ELAVL4: variants seen among roughly 807,000 people sequenced by gnomAD.
ELAVL4 encodes ELAV-like protein 4.
A neutral mutation model predicts 35.6 loss-of-function variants in ELAVL4; 1 was observed. That is an observed-to-expected ratio of 0.03 (90% CI 0.01 to 0.13). The LOEUF (loss-of-function observed/expected upper bound fraction) is 0.13. Among genes scored for constraint, ELAVL4 ranks in the 10% least tolerant of loss-of-function variants. The pLI, the probability that ELAVL4 is intolerant of heterozygous loss-of-function variation, is 1.00. For synonymous variants in ELAVL4, 156 were observed against 171.0 expected (o/e 0.91, Z 0.69); for missense variants, 267 against 464.9 (o/e 0.57, Z 3.91).
upstream of ELAVL4, among the ~76,000 whole-genome samples, chr1:50,099,287 G>A (rs1432128889): frequency 6.6e-6 from 1 of 152,146 alleles, no homozygotes; most frequent in Non-Finnish European, 1.5e-5. Context: ...CTGGCTGGGT[G>A]CGGTGGCTCA....
chr1:50,171,139 G>A (rs1678930989), intron 2 of ELAVL4, among the ~76,000 whole-genome samples: 1 of 152,142 alleles, frequency 6.6e-6, no homozygotes, highest in African/African-American at 2.4e-5. Context: ...GGGCTTGCAG[G>A]AAATAAGCCA....
chr1:50,145,323 CA>C, intron 2 of ELAVL4, 126 bp downstream of exon 2: 1 of 1,383,964 alleles, frequency 7.2e-7, no homozygotes, highest in Non-Finnish European at 9.9e-7. Context: ...CATGGATACA[CA>C]GTCATAAACT....
chr1:50,133,643 G>GAAAGAAAGAA (rs1553174587), intron 1 of ELAVL4, among the ~76,000 whole-genome samples: 18 of 148,408 alleles, frequency 1.2e-4, no homozygotes, highest in African/African-American at 4.3e-4. Flanking sequence ...AAGAAAGAAA[G>GAAAGAAAGAA]AAAGAAAGAG....
intron 2 of ELAVL4, among the ~76,000 whole-genome samples, chr1:50,173,991 G>T (rs910244048): frequency 2.0e-5 from 3 of 152,080 alleles, no homozygotes; most frequent in African/African-American, 7.2e-5. Context: ...TTGTGAATGC[G>T]TTTCATCTAT....
At chr1:50,088,662 G>A (rs1665354396) in intron 1 of ELAVL4, among the ~76,000 whole-genome samples, 1 of 152,178 alleles carries the variant, frequency 6.6e-6, no homozygotes, top group South Asian at 2.1e-4. Flanking sequence ...CCAACTGCTG[G>A]CCTGAAGGTC....
chr1:50,106,682 A>T (rs1666343360), upstream of ELAVL4, among the ~76,000 whole-genome samples: 1 of 152,160 alleles, frequency 6.6e-6, no homozygotes, highest in East Asian at 1.9e-4. Context: ...CAACAATAGG[A>T]TTCTGCCTTT....
rs146805655 is a variant in ELAVL4, at chr1:50,057,688, A to G, written c.18+9506A>G. Reference sequence around the variant, plus strand: ...TAGCGTGTGAACAGTAGGCTATCCCATATAACCTAGGTGTGCGGTAGTCTA... The same window carrying G: ...TAGCGTGTGAACAGTAGGCTATCCCGTATAACCTAGGTGTGCGGTAGTCTA... On this transcript the variant is annotated intron_variant, in intron 1 of 6. Transcript: ENST00000448907. 9.2e-5 allele frequency among the ~76,000 whole-genome samples: 14 copies of G among 152,326 alleles called. No individual in the cohort carries two copies. The East Asian group carries it at 1.4e-3, about 15-fold the overall frequency.
intron 1 of ELAVL4, among the ~76,000 whole-genome samples, chr1:50,132,111 T>A (rs1383721015): frequency 6.6e-6 from 1 of 152,170 alleles, no homozygotes; most frequent in Non-Finnish European, 1.5e-5. Context: ...TTTTTTCCAT[T>A]TCTACTTTGC....
At chr1:50,103,937 A>G (rs975315711), upstream of ELAVL4, 58 of 1,613,774 alleles carry the variant, frequency 3.6e-5, 1 homozygote, top group Admixed American at 9.7e-4. Flanking sequence ...GTGCTGTTGC[A>G]CGTGAATGCT....
chr1:50,160,637 G>C (rs1345538578), intron 2 of ELAVL4, among the ~76,000 whole-genome samples: 1 of 152,162 alleles, frequency 6.6e-6, no homozygotes, highest in Non-Finnish European at 1.5e-5. Context: ...TTTCAGAAAG[G>C]ACACGCTGAC....
At chr1:50,066,825 T>C (rs532539167) in intron 1 of ELAVL4, among the ~76,000 whole-genome samples, 1 of 152,192 alleles carries the variant, frequency 6.6e-6, no homozygotes, top group Non-Finnish European at 1.5e-5. Context: ...GGGTCCTGAA[T>C]GCAGATGCCA....
chr1:50,148,072 C>T (rs1674057916), intron 2 of ELAVL4, among the ~76,000 whole-genome samples: 1 of 152,200 alleles, frequency 6.6e-6, no homozygotes, highest in Non-Finnish European at 1.5e-5. Context: ...TTATCAAGCA[C>T]TTCATCTGTG....
upstream of ELAVL4, among the ~76,000 whole-genome samples, chr1:50,100,609 T>C (rs1224238431): frequency 3.3e-5 from 5 of 152,220 alleles, no homozygotes; most frequent in Non-Finnish European, 7.3e-5. Flanking sequence ...GTATTCTTTT[T>C]ACATCCTTCC....
intron 1 of ELAVL4, chr1:50,114,834 T>A (rs530905365): frequency 6.6e-6 from 1 of 152,170 alleles, no homozygotes; most frequent in Admixed American, 6.5e-5. Context: ...AGCATCAGTG[T>A]TAGGAATTGA....
chr1:50,131,054 TTGTATC>T (rs1670771533), intron 1 of ELAVL4, among the ~76,000 whole-genome samples: 2 of 152,152 alleles, frequency 1.3e-5, no homozygotes, highest in South Asian at 2.1e-4. Context: ...CAAATTTTCT[TTGTATC>T]TGTGATTCAA....
Position 50,150,624 on chromosome 1 carries a change from G to A in ELAVL4, c.250+5427G>A, listed in dbSNP as rs540810639. Among the ~76,000 whole-genome samples, 4 of 152,202 alleles carry A rather than the reference G, an allele frequency of 2.6e-5. No individual in the cohort carries two copies. The South Asian group carries it at 8.3e-4, about 32-fold the overall frequency. On this transcript the variant is annotated intron_variant, in intron 2 of 6. Coordinates refer to ENST00000371824, the MANE Select transcript of ELAVL4 (RefSeq NM_001144774.3). ...AGTCTATTGGGTTGAAGAGGAGAGG[G>A]GAGTGAGGGTTCTGGATTGTTTTAA...
At chr1:50,145,509 C>T (rs1340156313) in intron 2 of ELAVL4, among the ~76,000 whole-genome samples, 1 of 152,172 alleles carries the variant, frequency 6.6e-6, no homozygotes, top group African/African-American at 2.4e-5. Flanking sequence ...CAACTCTGCC[C>T]TCCCTATACT....
intron 1 of ELAVL4, among the ~76,000 whole-genome samples, chr1:50,066,863 T>C (rs1664288393): frequency 2.0e-5 from 3 of 152,212 alleles, no homozygotes; most frequent in Admixed American, 6.5e-5. Context: ...TCAGAGTTTT[T>C]ATTTAGGGTT....
intron 1 of ELAVL4, among the ~76,000 whole-genome samples, chr1:50,069,878 C>G (rs551385473): frequency 2.6e-5 from 4 of 152,170 alleles, no homozygotes; most frequent in Non-Finnish European, 4.4e-5. Context: ...AAGGGTTCAG[C>G]CCTTATGAAT....
Sources: allele counts gnomAD v4.1 joint callset (sites outside exome capture counted in the v4.1 genomes callset), GRCh38; gene constraint gnomAD v4.1.1; transcripts MANE v1.5; gene names NCBI Gene and HGNC (gene_info 2026-07-23, HGNC 2026-07-21).